PLXDC2: variants seen among roughly 807,000 people sequenced by gnomAD.
The protein encoded by PLXDC2 is plexin domain-containing protein 2.
In PLXDC2, 40 loss-of-function variants were observed where a neutral mutation model predicts 68.9. That is an observed-to-expected ratio of 0.58 (90% CI 0.45 to 0.76). The LOEUF (loss-of-function observed/expected upper bound fraction) is 0.76, where lower values mean the gene tolerates loss of function less well. Ranked by LOEUF, PLXDC2 falls within the 30% of genes least tolerant of loss-of-function variation. The probability of loss-of-function intolerance (pLI) is 0.00; values close to 1 mark genes in which losing one functional copy is unlikely to be tolerated. For synonymous variants in PLXDC2, 243 were observed against 234.2 expected (o/e 1.04, Z -0.34); for missense variants, 644 against 661.9 (o/e 0.97, Z 0.30).
At chr10:19,826,731 A>G (rs948593174) in intron 1 of PLXDC2, among the ~76,000 whole-genome samples, 2 of 152,190 alleles carry the variant, frequency 1.3e-5, no homozygotes, top group Non-Finnish European at 2.9e-5. Context: ...GTTTTTATGT[A>G]GCTTTAAAAA....
intron 1 of PLXDC2, among the ~76,000 whole-genome samples, chr10:19,996,208 A>C (rs559612269): frequency 6.6e-6 from 1 of 152,304 alleles, no homozygotes; most frequent in South Asian, 2.1e-4. Flanking sequence ...TGGGAGGCCA[A>C]GGTGGGAGGA....
rs1835339580 is a variant in PLXDC2 at position 20,023,067 on chromosome 10, A to G, written c.324+21081A>G. ...GCTCTTAATTTTTTTTGGAAAAGTAATGGCATTTAAATATATATATGTATA... is the reference window on the plus strand; with the variant it reads ...GCTCTTAATTTTTTTTGGAAAAGTAGTGGCATTTAAATATATATATGTATA... On this transcript the variant is annotated intron_variant, in intron 2 of 13. Transcript: ENST00000377252. Among the ~76,000 whole-genome samples the G allele has an allele frequency of 2.0e-5, 3 of 148,804 alleles. No individual in the cohort carries two copies. The South Asian group carries it at 6.3e-4, about 31-fold the overall frequency.
At chr10:20,181,210 AG>A (rs1834598834) in intron 9 of PLXDC2, among the ~76,000 whole-genome samples, 1 of 152,032 alleles carries the variant, frequency 6.6e-6, no homozygotes, top group African/African-American at 2.4e-5. Flanking sequence ...TTTTGAAGAG[AG>A]CATGGTTTGA....
At position 19,955,829 on chromosome 10, in the gene PLXDC2, C is replaced by T. The variant is rs150377033; in HGVS notation, c.113-45946C>T. On this transcript the variant is annotated intron_variant, in intron 1 of 13. Coordinates refer to ENST00000377252, the MANE Select transcript of PLXDC2 (RefSeq NM_032812.9). ...GCGTGGTGGCTCACGCCTGTAATTTCAGCACTTTGGGAGGCTGAGGTGGGT... is the reference window on the plus strand; with the variant it reads ...GCGTGGTGGCTCACGCCTGTAATTTTAGCACTTTGGGAGGCTGAGGTGGGT... Among the ~76,000 whole-genome samples, 1,341 of 152,262 alleles carry T rather than the reference C, an allele frequency of 8.8e-3. 17 individuals carry two copies. Among genetic ancestry groups the T allele is most frequent in the African/African-American group, 0.03 (1,234 of 41,562 alleles).
chr10:20,080,530 G>A (rs184304166), intron 4 of PLXDC2, among the ~76,000 whole-genome samples: 123 of 152,216 alleles, frequency 8.1e-4, no homozygotes, highest in African/African-American at 2.4e-3. Context: ...TCTGATGTTC[G>A]AGGGCAGGAA....
At chr10:20,147,074 C>T (rs965468678) in intron 5 of PLXDC2, among the ~76,000 whole-genome samples, 30 of 152,178 alleles carry the variant, frequency 2.0e-4, no homozygotes, top group Middle Eastern at 6.8e-3. Flanking sequence ...TCACTGGTGA[C>T]TATTAAACTA....
chr10:19,898,470 G>T, intron 1 of PLXDC2, among the ~76,000 whole-genome samples: 1 of 152,124 alleles, frequency 6.6e-6, no homozygotes, highest in East Asian at 1.9e-4. Context: ...AGCACAACTG[G>T]TGGAAAATGA....
At chr10:19,945,434 A>C (rs1182910452) in intron 1 of PLXDC2, among the ~76,000 whole-genome samples, 1 of 152,104 alleles carries the variant, frequency 6.6e-6, no homozygotes, top group Non-Finnish European at 1.5e-5. Context: ...GCAAACCTTC[A>C]ATTTGTTTGG....
At chr10:19,866,766 G>T (rs2131339328) in intron 1 of PLXDC2, among the ~76,000 whole-genome samples, 1 of 152,174 alleles carries the variant, frequency 6.6e-6, no homozygotes, top group African/African-American at 2.4e-5. Flanking sequence ...GAAAGGCAGG[G>T]GTACATTTTA....
At chr10:19,875,766 ACTGT>A (rs1837618805) in intron 1 of PLXDC2, among the ~76,000 whole-genome samples, 2 of 152,204 alleles carry the variant, frequency 1.3e-5, no homozygotes, top group African/African-American at 2.4e-5. Flanking sequence ...GTTTCCTTCA[ACTGT>A]CTATTTTCCT....
intron 4 of PLXDC2, among the ~76,000 whole-genome samples, chr10:20,080,463 A>G (rs1043179883): frequency 6.6e-6 from 1 of 152,164 alleles, no homozygotes; most frequent in Non-Finnish European, 1.5e-5. Flanking sequence ...AAGGTCTAAG[A>G]GCCCCTGGCA....
At chr10:20,188,327 T>A (rs1360277422) in intron 9 of PLXDC2, among the ~76,000 whole-genome samples, 1 of 151,404 alleles carries the variant, frequency 6.6e-6, no homozygotes, top group South Asian at 2.1e-4. Context: ...TCAACATTTT[T>A]AGCTTCCATG....
At chr10:20,226,672 G>A (rs1427900909) in intron 12 of PLXDC2, among the ~76,000 whole-genome samples, 3 of 152,124 alleles carry the variant, frequency 2.0e-5, no homozygotes, top group South Asian at 2.1e-4. Context: ...TTATGCTGCC[G>A]ATAGGACACA....
At chr10:19,947,859 C>T (rs918688665) in intron 1 of PLXDC2, among the ~76,000 whole-genome samples, 9 of 152,118 alleles carry the variant, frequency 5.9e-5, no homozygotes, top group African/African-American at 2.2e-4. Flanking sequence ...TTGAGTCCCT[C>T]CTTCCCTCCA....
intron 9 of PLXDC2, among the ~76,000 whole-genome samples, chr10:20,200,205 A>T (rs1834898360): frequency 6.6e-6 from 1 of 152,002 alleles, no homozygotes; most frequent in Non-Finnish European, 1.5e-5. Context: ...CAGGGATTTA[A>T]TGCTCTTAGT....
chr10:20,016,112 C>G (rs2131649606), intron 2 of PLXDC2, among the ~76,000 whole-genome samples: 1 of 152,262 alleles, frequency 6.6e-6, no homozygotes, highest in South Asian at 2.1e-4. Context: ...CATGAAATGA[C>G]TGGACTGTTT....
intron 9 of PLXDC2, among the ~76,000 whole-genome samples, chr10:20,192,848 T>C (rs10764211): frequency 0.22 from 34,057 of 151,936 alleles, 4,681 homozygotes; most frequent in East Asian, 0.4. Context: ...GAGACAAGTA[T>C]ACAAGAAAAC....
At chr10:20,018,768 A>G (rs1290344754) in intron 2 of PLXDC2, among the ~76,000 whole-genome samples, 1 of 152,144 alleles carries the variant, frequency 6.6e-6, no homozygotes, top group Non-Finnish European at 1.5e-5. Flanking sequence ...GAAAGTCAAC[A>G]TGATTTGAAA....
chr10:19,979,801 T>C (rs1313913501), intron 1 of PLXDC2, among the ~76,000 whole-genome samples: 4 of 152,220 alleles, frequency 2.6e-5, no homozygotes, highest in Non-Finnish European at 5.9e-5. Flanking sequence ...CTAAACGTGG[T>C]AATGTGAGCT....
Sources: allele counts gnomAD v4.1 joint callset (sites outside exome capture counted in the v4.1 genomes callset), GRCh38; gene constraint gnomAD v4.1.1; transcripts MANE v1.5; gene names NCBI Gene and HGNC (gene_info 2026-07-23, HGNC 2026-07-21).